Variants in CBFB observed in about 807,000 individuals in gnomAD.
CBFB encodes CBF-beta.
Under a neutral mutation model 30.4 loss-of-function variants are expected in CBFB, and 9 were observed. The observed-to-expected ratio is 0.30, with a 90% CI of 0.18 to 0.52. The LOEUF (loss-of-function observed/expected upper bound fraction) is 0.52, where lower values mean the gene tolerates loss of function less well. Among genes scored for constraint, CBFB ranks in the 20% least tolerant of loss-of-function variants. The pLI is 0.97. For missense variants in CBFB, 170 were observed against 244.0 expected (o/e 0.70, Z 2.02); for synonymous variants, 94 against 84.0 (o/e 1.12, Z -0.65).
intron 4 of CBFB, among the ~76,000 whole-genome samples, chr16:67,070,214 A>T (rs1961180778): frequency 1.3e-5 from 2 of 152,242 alleles, no homozygotes; most frequent in South Asian, 4.1e-4. Context: ...AAAGCTTAGG[A>T]TTCAAAGTTA....
chr16:67,096,898 C>CGCCACT (rs1962063516), intron 5 of CBFB, among the ~76,000 whole-genome samples: 1 of 147,472 alleles, frequency 6.8e-6, no homozygotes, highest in South Asian at 2.1e-4. Context: ...GCCAAGATCG[C>CGCCACT]GCCACTGCAC....
intron 5 of CBFB, among the ~76,000 whole-genome samples, chr16:67,095,210 CAAAAAA>C (rs71145959): frequency 5.2e-4 from 14 of 27,070 alleles, no homozygotes; most frequent in South Asian, 2.5e-3. Flanking sequence ...AAGTGTGTCT[CAAAAAA>C]AAAAAAAAAA....
At chr16:67,032,120 G>A (rs1966361572) in intron 2 of CBFB, among the ~76,000 whole-genome samples, 1 of 152,138 alleles carries the variant, frequency 6.6e-6, no homozygotes, top group Admixed American at 6.5e-5. Flanking sequence ...CAACCCATAG[G>A]ATATCTGAAA....
rs116837011 is a variant in CBFB, at chr16:67,036,893, G to A, written c.282+138G>A. 6.7e-3 allele frequency: 4,069 copies of A among 610,244 alleles called. 121 individuals are homozygous for A. Among genetic ancestry groups the A allele is most frequent in the African/African-American group, 0.063 (3,356 of 53,296 alleles). The allele number at this position is 610,244 out of a possible 1,614,324, so 37.8% of individuals were successfully genotyped here. A position where few individuals can be genotyped will look rare whatever the true frequency, so the allele number is the denominator to read the frequency against. On this transcript the variant is annotated intron_variant, in intron 3 of 5. Coordinates refer to ENST00000412916, the MANE Select transcript of CBFB (RefSeq NM_022845.3). ...GATTTGTTTTCATTCCATGTTATAA[G>A]GATGTAATATAATTTTTTTTTTTTA...
intron 3 of CBFB, among the ~76,000 whole-genome samples, chr16:67,059,724 C>G (rs1783936599): frequency 6.6e-6 from 1 of 152,138 alleles, no homozygotes; most frequent in Admixed American, 6.6e-5. Flanking sequence ...AAAAGTTGGA[C>G]TTGCTCCAGA....
chr16:67,053,043 T>C (rs1960603924), intron 3 of CBFB, among the ~76,000 whole-genome samples: 2 of 151,050 alleles, frequency 1.3e-5, no homozygotes, highest in South Asian at 4.2e-4. Flanking sequence ...GAAAGAAAAC[T>C]TTACAGTTCT....
chr16:67,068,009 C>A (rs955278055), intron 4 of CBFB, among the ~76,000 whole-genome samples: 5 of 152,186 alleles, frequency 3.3e-5, no homozygotes, highest in African/African-American at 9.7e-5. Flanking sequence ...CCTGGATGAA[C>A]ACAAGGTAGA....
At chr16:67,053,330 T>C (rs1960617293) in intron 3 of CBFB, among the ~76,000 whole-genome samples, 1 of 147,642 alleles carries the variant, frequency 6.8e-6, no homozygotes, top group South Asian at 2.2e-4. Context: ...CTCGGCTCAC[T>C]GCAAGCTCCG....
At chr16:67,039,334 G>A (rs914973461) in intron 3 of CBFB, among the ~76,000 whole-genome samples, 6 of 152,138 alleles carry the variant, frequency 3.9e-5, no homozygotes, top group Non-Finnish European at 8.8e-5. Flanking sequence ...TTAAAAAATG[G>A]TATACCTGTA....
At chr16:67,047,894 C>G (rs976531431) in intron 3 of CBFB, among the ~76,000 whole-genome samples, 31 of 152,062 alleles carry the variant, frequency 2.0e-4, no homozygotes, top group Admixed American at 8.5e-4. Flanking sequence ...CATGGTGAAG[C>G]CCCGTCTCTA....
At chr16:67,093,973 C>G in intron 5 of CBFB, among the ~76,000 whole-genome samples, 1 of 152,172 alleles carries the variant, frequency 6.6e-6, no homozygotes, top group Admixed American at 6.5e-5. Context: ...CCTATGGAAG[C>G]TATTTTACTG....
intron 4 of CBFB, among the ~76,000 whole-genome samples, chr16:67,070,587 C>T (rs774366446): frequency 3.9e-5 from 6 of 151,932 alleles, no homozygotes; most frequent in Non-Finnish European, 5.9e-5. Flanking sequence ...CAGTGGCTCA[C>T]GCTTGTAATT....
chr16:67,056,802 C>T (rs1445558202), intron 3 of CBFB, among the ~76,000 whole-genome samples: 1 of 152,120 alleles, frequency 6.6e-6, no homozygotes, highest in Non-Finnish European at 1.5e-5. Flanking sequence ...CTGCCTCAGC[C>T]TCCTGAGTAG....
At chr16:67,079,390 G>C (rs940216083) in intron 4 of CBFB, among the ~76,000 whole-genome samples, 2 of 151,916 alleles carry the variant, frequency 1.3e-5, no homozygotes, top group African/African-American at 4.8e-5. Context: ...TGAAAATTTT[G>C]AGTATTAGAA....
intron 5 of CBFB, among the ~76,000 whole-genome samples, chr16:67,083,978 G>A (rs1019083043): frequency 1.3e-5 from 2 of 151,744 alleles, no homozygotes; most frequent in African/African-American, 4.8e-5. Context: ...AGACCATCTT[G>A]GGCAAAATAG....
intron 5 of CBFB, among the ~76,000 whole-genome samples, chr16:67,084,191 T>TAAAAAAAAAAAA (rs1961651967): frequency 1.0e-5 from 1 of 97,736 alleles, no homozygotes; most frequent in African/African-American, 4.0e-5. Flanking sequence ...AAAAAAAAAG[T>TAAAAAAAAAAAA]ATATTCTAGC....
intron 2 of CBFB, among the ~76,000 whole-genome samples, chr16:67,033,513 T>A (rs1185529676): frequency 6.6e-6 from 1 of 151,248 alleles, no homozygotes; most frequent in East Asian, 2.0e-4. Flanking sequence ...TAGAGATGGG[T>A]TTCACCATGT....
Position 67,099,721 on chromosome 16 carries a change from A to G in CBFB, c.*943A>G, listed in dbSNP as rs755551274. On this transcript the variant is annotated 3_prime_UTR_variant, in exon 6 of 6. Transcript: ENST00000412916. ...ATTCAGGGATTTTTTTAAAAAGTCA[A>G]TCAGAAAAGGGATACTGGAGCTTCT... is the stretch of plus-strand genomic sequence containing the variant. 10 of 204,690 alleles carry G rather than the reference A, an allele frequency of 4.9e-5. No homozygotes were observed. Among genetic ancestry groups the G allele is most frequent in the Non-Finnish European group, 9.0e-5 (9 of 99,762 alleles). The allele number at this position is 204,690 out of a possible 1,614,324, so 12.7% of individuals were successfully genotyped here. A position where few individuals can be genotyped will look rare whatever the true frequency, so the allele number is the denominator to read the frequency against.
rs71378423 is a variant in CBFB, at chr16:67,059,957, A to ATTCT, written c.283-6706_283-6703dup. ...AGATAAAAATTGTTGCAAACTTTTA[A>ATTCT]TTCTTTCTTTCTTTCTTTCTTTTTT... On this transcript the variant is annotated intron_variant, in intron 3 of 5. Coordinates refer to ENST00000412916, the MANE Select transcript of CBFB (RefSeq NM_022845.3). 4.1e-3 allele frequency among the ~76,000 whole-genome samples: 622 copies of ATTCT among 150,166 alleles called. 6 individuals carry two copies. Among genetic ancestry groups the ATTCT allele is most frequent in the Admixed American group, 0.031 (462 of 15,078 alleles).
Sources: gnomAD v4.1 joint callset for allele counts (sites outside exome capture counted in the v4.1 genomes callset) on GRCh38, gnomAD v4.1.1 for gene constraint, MANE v1.5 for transcripts, NCBI Gene and HGNC (gene_info 2026-07-23, HGNC 2026-07-21) for gene names.